The following PTPN12 variants were observed in gnomAD, a reference collection of about 807,000 sequenced individuals.
The protein encoded by PTPN12 is tyrosine-protein phosphatase non-receptor type 12.
PTPN12 carries 29 observed loss-of-function variants against 97.6 expected under a neutral mutation model. That is an observed-to-expected ratio of 0.30 (90% confidence interval 0.22 to 0.41). PTPN12 has a LOEUF of 0.41. Ranked by LOEUF, PTPN12 falls within the 10% of genes least tolerant of loss-of-function variation. The pLI is 1.00. For synonymous variants in PTPN12, 327 were observed against 300.4 expected (o/e 1.09, Z -0.91); for missense variants, 819 against 926.0 (o/e 0.88, Z 1.50).
Position 77,549,582 on chromosome 7 carries a change from G to GT in PTPN12, c.99+11951dup, listed in dbSNP as rs561689618. Among the ~76,000 whole-genome samples, 1,012 of 138,478 alleles carry GT rather than the reference G, an allele frequency of 7.3e-3. 9 individuals carry two copies. The highest frequency in any genetic ancestry group is 0.012 in the South Asian group (51 of 4,278). 90.8% of individuals were successfully genotyped at this position (138,478 alleles called of 152,430 possible). The stretch of plus-strand genomic sequence containing the variant: ...TTAAAGTTTGGGTTTTTGTTTGTTT[G>GT]TTTTTTTTTTTTTTAAGAGATAGGG... On this transcript the variant is annotated intron_variant, in intron 1 of 17. Transcript: ENST00000248594.
At chr7:77,592,897 A>C (rs1320070134) in intron 6 of PTPN12, among the ~76,000 whole-genome samples, 1 of 152,164 alleles carries the variant, frequency 6.6e-6, no homozygotes, top group Non-Finnish European at 1.5e-5. Flanking sequence ...AAAAGAAGGA[A>C]AATATAAGTG....
At chr7:77,557,388 T>G (rs1325066559) in intron 1 of PTPN12, among the ~76,000 whole-genome samples, 1 of 152,200 alleles carries the variant, frequency 6.6e-6, no homozygotes, top group Non-Finnish European at 1.5e-5. Flanking sequence ...TACTCGTGAT[T>G]CTCCGTATTC....
Position 77,627,171 on chromosome 7 carries a change from T to C in PTPN12, c.1492T>C (p.Cys498Arg), listed in dbSNP as rs1789221304. Reference sequence around the variant, plus strand: ...TACTTCCCAGAATTCTTGTGTGGACTGCAGTGTAACACAATCAAACAAAGT... The same window carrying C: ...TACTTCCCAGAATTCTTGTGTGGACCGCAGTGTAACACAATCAAACAAAGT... ...GDTSQNSCVD[C>R]SVTQSNKVSV... The change falls in exon 13 of 18, where the codon TGC (cysteine) becomes CGC (arginine). Residue 498 changes from cysteine (C) to arginine (R), a missense_variant. Physicochemically the swap from Cys to Arg is radical, Grantham distance 180 (BLOSUM62 -3). This residue lies in a region of PTPN12 where 607 missense variants were observed against 577.3 expected (regional missense o/e 1.05). Transcript: ENST00000248594. 3.7e-6 allele frequency: 6 copies of C among 1,614,174 alleles called. No homozygotes were observed. Among genetic ancestry groups the C allele is most frequent in the South Asian group, 1.1e-5 (1 of 91,080 alleles).
At chr7:77,552,617 C>A (rs1034534218) in intron 1 of PTPN12, among the ~76,000 whole-genome samples, 2 of 151,908 alleles carry the variant, frequency 1.3e-5, no homozygotes, top group African/African-American at 4.8e-5. Context: ...TACTACTGGG[C>A]AGGAATCTTT....
chr7:77,566,506 C>T (rs1162013057), intron 1 of PTPN12, among the ~76,000 whole-genome samples: 1 of 152,126 alleles, frequency 6.6e-6, no homozygotes. Context: ...CAGATGGCTT[C>T]AGTCCAGGAG....
At chr7:77,633,405 C>G (rs1306666420) in intron 14 of PTPN12, among the ~76,000 whole-genome samples, 1 of 151,982 alleles carries the variant, frequency 6.6e-6, no homozygotes, top group Admixed American at 6.6e-5. Context: ...GTCAGGACAT[C>G]AAGACCATCC....
At chr7:77,542,356 T>C (rs1807018981) in intron 1 of PTPN12, among the ~76,000 whole-genome samples, 4 of 152,168 alleles carry the variant, frequency 2.6e-5, no homozygotes, top group Non-Finnish European at 5.9e-5. Flanking sequence ...CTTACTTAGA[T>C]AGGTTCTGGT....
intron 1 of PTPN12, among the ~76,000 whole-genome samples, chr7:77,547,416 G>A (rs1807276074): frequency 6.6e-6 from 1 of 152,078 alleles, no homozygotes; most frequent in Non-Finnish European, 1.5e-5. Flanking sequence ...GCCCATTTTA[G>A]GGGGAAGAAA....
intron 9 of PTPN12, 86 bp from the exon 10 acceptor site, chr7:77,610,679 T>TTTAA: frequency 7.5e-7 from 1 of 1,337,536 alleles, no homozygotes; most frequent in South Asian, 1.3e-5. Context: ...CCAGCAGGTA[T>TTTAA]TTAAGTTTTA....
chr7:77,546,813 C>A (rs978969351), intron 1 of PTPN12, among the ~76,000 whole-genome samples: 4 of 152,164 alleles, frequency 2.6e-5, no homozygotes, highest in Non-Finnish European at 4.4e-5. Context: ...GCACCTTCTT[C>A]ACAAGGTGGC....
At chr7:77,587,406 T>G (rs1014751874) in intron 5 of PTPN12, among the ~76,000 whole-genome samples, 2 of 151,812 alleles carry the variant, frequency 1.3e-5, no homozygotes, top group Non-Finnish European at 2.9e-5. Context: ...CAACCAGTAG[T>G]CCCCAGTAGT....
At chr7:77,601,947 C>G (rs1404137657) in intron 8 of PTPN12, among the ~76,000 whole-genome samples, 2 of 152,114 alleles carry the variant, frequency 1.3e-5, no homozygotes, top group African/African-American at 2.4e-5. Flanking sequence ...ACATAAAATT[C>G]AATGATTACT....
At chr7:77,600,367 A>G (rs1788153231) in intron 7 of PTPN12, among the ~76,000 whole-genome samples, 1 of 152,176 alleles carries the variant, frequency 6.6e-6, no homozygotes, top group Non-Finnish European at 1.5e-5. Context: ...TAGAGCCCAC[A>G]CTTGTCACTT....
At chr7:77,603,143 A>G (rs958499921) in intron 8 of PTPN12, among the ~76,000 whole-genome samples, 1 of 152,184 alleles carries the variant, frequency 6.6e-6, no homozygotes, top group African/African-American at 2.4e-5. Context: ...TGGTTAGTTG[A>G]CCATTTAATT....
Position 77,611,099 on chromosome 7 carries a change from G to A in PTPN12, c.939+53G>A. On this transcript the variant is annotated intron_variant, in intron 11 of 17. Coordinates refer to ENST00000248594, the MANE Select transcript of PTPN12 (RefSeq NM_002835.4). Reference sequence around the variant, plus strand: ...GGAAACTTTTACTCTTTGTTAAGATGTAATATTTAGCCTTTTTTTTGTTGT... The same window carrying A: ...GGAAACTTTTACTCTTTGTTAAGATATAATATTTAGCCTTTTTTTTGTTGT... The A allele has an allele frequency of 2.9e-6, 4 of 1,368,852 alleles. No individual in the cohort carries two copies. The Admixed American group carries it at 7.6e-5, about 26-fold the overall frequency. 84.8% of individuals were successfully genotyped at this position (1,368,852 alleles called of 1,614,324 possible). A position where few individuals can be genotyped will look rare whatever the true frequency, so the allele number is the denominator to read the frequency against.
At chr7:77,638,070 G>A (rs1789669610) in intron 16 of PTPN12, among the ~76,000 whole-genome samples, 2 of 138,694 alleles carry the variant, frequency 1.4e-5, no homozygotes, top group South Asian at 4.8e-4. Context: ...ACATTCTCCT[G>A]CCTCAGCCTC....
Position 77,577,758 on chromosome 7 carries a change from G to T in PTPN12, c.209-3669G>T, listed in dbSNP as rs563612639. 2.0e-5 allele frequency among the ~76,000 whole-genome samples: 3 copies of T among 152,238 alleles called. No homozygotes were observed. In the South Asian group the frequency reaches 6.2e-4, roughly 32 times the overall value. On this transcript the variant is annotated intron_variant, in intron 2 of 17. Transcript: ENST00000248594. The stretch of plus-strand genomic sequence containing the variant: ...GTAGAAAGCAGTGACTACCAAATTT[G>T]CCTGTGTTTTAGAATTTAAATGGGG...
chr7:77,634,593 C>T (rs1047730114), intron 14 of PTPN12, among the ~76,000 whole-genome samples: 3 of 152,028 alleles, frequency 2.0e-5, no homozygotes, highest in Non-Finnish European at 4.4e-5. Flanking sequence ...GTGCCTGCCA[C>T]CACACCCGGC....
chr7:77,621,012 A>C (rs1229174225), intron 12 of PTPN12, among the ~76,000 whole-genome samples: 1 of 152,134 alleles, frequency 6.6e-6, no homozygotes, highest in East Asian at 1.9e-4. Context: ...CTGTAGTCCC[A>C]ACATTTTGGG....
Sources: gnomAD v4.1 joint callset for allele counts (sites outside exome capture counted in the v4.1 genomes callset) on GRCh38, gnomAD v4.1.1 for gene constraint, gnomAD v4.1.1 regional missense constraint, MANE v1.5 for transcripts, NCBI Gene and HGNC (gene_info 2026-07-23, HGNC 2026-07-21) for gene names.